The following SLC45A4 variants were observed in gnomAD, a reference collection of about 807,000 sequenced individuals.
SLC45A4 encodes solute carrier family 45 member 4.
SLC45A4 carries 32 observed loss-of-function variants against 63.7 expected under a neutral mutation model. That is an observed-to-expected ratio of 0.50 (90% CI 0.38 to 0.67). SLC45A4 has a LOEUF of 0.67. Among genes scored for constraint, SLC45A4 ranks in the 30% least tolerant of loss-of-function variants. The pLI, the probability that SLC45A4 is intolerant of heterozygous loss-of-function variation, is 0.00. For synonymous variants in SLC45A4, 535 were observed against 510.0 expected (o/e 1.05, Z -0.66); for missense variants, 1,027 against 1,157.7 (o/e 0.89, Z 1.64).
chr8:141,292,950 G>T (rs543962915), intron 1 of SLC45A4: 1 of 152,320 alleles, frequency 6.6e-6, no homozygotes, highest in East Asian at 1.9e-4. Flanking sequence ...CTGACTCTGG[G>T]ACACTCAGGC....
At chr8:141,307,694 G>C (rs1175690427) in intron 1 of SLC45A4, among the ~76,000 whole-genome samples, 2 of 151,590 alleles carry the variant, frequency 1.3e-5, no homozygotes, top group African/African-American at 4.8e-5. Flanking sequence ...AGGACCAGGA[G>C]TTAGAGGCGC....
intron 6 of SLC45A4, among the ~76,000 whole-genome samples, chr8:141,216,346 G>T (rs1555564361): frequency 6.6e-6 from 1 of 152,246 alleles, no homozygotes; most frequent in Non-Finnish European, 1.5e-5. Flanking sequence ...GCAGTGGACA[G>T]TCCTGCCTCG....
rs372161630 is a variant in SLC45A4 at position 141,218,170 on chromosome 8, G to T, written c.1470C>A (p.Gly490=). 6.2e-7 allele frequency: 1 copy of T among 1,606,928 alleles called. No homozygotes were observed. The highest frequency in any genetic ancestry group is 2.2e-5 in the East Asian group (1 of 44,860). ...GCCACAGCAGGCGCACCGTGGTCTCGCCCTCCCCCTCCTCACTCTCGGTGT... is the reference window on the plus strand; with the variant it reads ...GCCACAGCAGGCGCACCGTGGTCTCTCCCTCCCCCTCCTCACTCTCGGTGT... ...SGDTESEEGE[G]ETTVRLLWLS... Residue 490 remains glycine, a synonymous_variant, in exon 5 of 9, where the codon GGC becomes GGA. Transcript: ENST00000517878.
At chr8:141,294,358 G>C (rs781070696) in intron 1 of SLC45A4, among the ~76,000 whole-genome samples, 8 of 152,216 alleles carry the variant, frequency 5.3e-5, no homozygotes, top group African/African-American at 1.9e-4. Flanking sequence ...AACGTGCACC[G>C]GGGCCAGCCC....
At chr8:141,298,911 G>C (rs987698410) in intron 1 of SLC45A4, among the ~76,000 whole-genome samples, 7 of 152,112 alleles carry the variant, frequency 4.6e-5, no homozygotes, top group Admixed American at 6.5e-5. Flanking sequence ...AGTGGGGGGT[G>C]GGGGGAGCTG....
At position 141,217,184 on chromosome 8, in the gene SLC45A4, G is replaced by A. The variant is rs755730270; in HGVS notation, c.1635C>T (p.Pro545=). ...AGGCTTGCCAGGCGGTCGAGTTCGA[G>A]GGGGCCTGTTCCGGAAATGAGACGG... ...QVIFEGDPKA[P]SNSTAWQAYN... The change falls in exon 6 of 9, where the codon CCC becomes CCT. Residue 545 remains proline (P), a synonymous_variant. Transcript: ENST00000517878. 1.2e-6 allele frequency: 2 copies of A among 1,613,492 alleles called. No homozygotes were observed. The highest frequency in any genetic ancestry group is 1.3e-5 in the African/African-American group (1 of 74,920).
chr8:141,259,731 C>T (rs1828972595), intron 1 of SLC45A4, among the ~76,000 whole-genome samples: 1 of 152,202 alleles, frequency 6.6e-6, no homozygotes, highest in South Asian at 2.1e-4. Flanking sequence ...AGACCCTCAT[C>T]CCCCGCTTTC....
rs1373527458 is a variant in SLC45A4, at chr8:141,308,119, G to GGGGGCGGC, written c.-432_-425dup. 1.7e-4 allele frequency: 25 copies of GGGGGCGGC among 148,322 alleles called. 1 individual carries two copies. The South Asian group carries it at 2.0e-3, about 12-fold the overall frequency. 9.2% of individuals were successfully genotyped at this position (148,322 alleles called of 1,614,324 possible). On this transcript the variant is annotated 5_prime_UTR_variant, in exon 1 of 9. Coordinates refer to ENST00000517878, the MANE Select transcript of SLC45A4 (RefSeq NM_001286646.2). Reference sequence around the variant, plus strand: ...ACCTGTCTCCTCCGGCCGGGGCCGCGGGGGCGGCGGGGCGGCCGGGCCGGG... The same window carrying GGGGGCGGC: ...ACCTGTCTCCTCCGGCCGGGGCCGCGGGGGCGGCGGGGCGGCGGGGCGGCCGGGCCGGG...
intron 1 of SLC45A4, among the ~76,000 whole-genome samples, chr8:141,283,243 C>T (rs969436159): frequency 2.0e-4 from 30 of 152,316 alleles, no homozygotes; most frequent in Middle Eastern, 3.4e-3. Context: ...GCCCAGGCTA[C>T]GACACCTCAA....
At position 141,219,844 on chromosome 8, in the gene SLC45A4, C is replaced by T. The variant is rs746091176; in HGVS notation, c.431-15G>A. Reference sequence around the variant, plus strand: ...GAGGGCCAGACCTGCGCAGAGCACACGGGAGGGCGGTCAGGTCCTCAAGCA... The same window carrying T: ...GAGGGCCAGACCTGCGCAGAGCACATGGGAGGGCGGTCAGGTCCTCAAGCA... On this transcript the variant is annotated splice_polypyrimidine_tract_variant and intron_variant, in intron 3 of 8. Transcript: ENST00000517878. The T allele has an allele frequency of 1.8e-5, 28 of 1,553,004 alleles. No homozygotes were observed. Among genetic ancestry groups the T allele is most frequent in the Admixed American group, 1.7e-4 (9 of 52,540 alleles).
intron 1 of SLC45A4, among the ~76,000 whole-genome samples, chr8:141,279,219 C>T (rs988145367): frequency 4.6e-5 from 7 of 152,374 alleles, no homozygotes; most frequent in Middle Eastern, 3.4e-3. Context: ...CTATCCCCAC[C>T]GTGCCAGGCG....
At chr8:141,270,330 C>T (rs2154614915) in intron 1 of SLC45A4, among the ~76,000 whole-genome samples, 1 of 150,396 alleles carries the variant, frequency 6.6e-6, no homozygotes, top group East Asian at 2.0e-4. Flanking sequence ...AGTTCAAGAC[C>T]ACCCTGGGCG....
intron 1 of SLC45A4, among the ~76,000 whole-genome samples, chr8:141,307,123 C>A (rs1830920447): frequency 6.6e-6 from 1 of 152,132 alleles, no homozygotes; most frequent in South Asian, 2.1e-4. Flanking sequence ...CTTCTAGAAT[C>A]ATTCTGAATA....
chr8:141,228,173 T>C, intron 2 of SLC45A4: 11 of 1,613,934 alleles, frequency 6.8e-6, no homozygotes, highest in Non-Finnish European at 9.3e-6. Flanking sequence ...AATTGAGCAT[T>C]CTAACCTTTC....
intron 2 of SLC45A4, among the ~76,000 whole-genome samples, chr8:141,251,771 T>C (rs1017017487): frequency 2.0e-5 from 3 of 151,610 alleles, no homozygotes; most frequent in African/African-American, 7.3e-5. Flanking sequence ...ACTGGAAAAG[T>C]AAGATGAGTG....
At chr8:141,230,762 T>G (rs1004020882) in intron 2 of SLC45A4, among the ~76,000 whole-genome samples, 3 of 152,250 alleles carry the variant, frequency 2.0e-5, no homozygotes, top group African/African-American at 4.8e-5. Context: ...ATGCTGACAC[T>G]GTCCATTTTC....
At chr8:141,212,674 T>C in intron 7 of SLC45A4, 118 bp from the exon 8 acceptor site, 1 of 1,278,984 alleles carries the variant, frequency 7.8e-7, no homozygotes, top group African/African-American at 1.5e-5. Context: ...CCACCGAGTC[T>C]CTTGGCAACC....
chr8:141,217,241 G>T (rs1826212290), intron 5 of SLC45A4, 52 bp from the exon 6 acceptor site: 1 of 1,567,472 alleles, frequency 6.4e-7, no homozygotes, highest in Non-Finnish European at 8.8e-7. Context: ...GGGCCCTCCA[G>T]GCCAGGAGCG....
chr8:141,212,145 C>CCCGGGGGGG, intron 8 of SLC45A4, 52 bp downstream of exon 8: 3 of 955,984 alleles, frequency 3.1e-6, no homozygotes, highest in Non-Finnish European at 2.6e-6. Context: ...GCCGCCCGCC[C>CCCGGGGGGG]GCCCGCCCAC....
Sources: allele counts gnomAD v4.1 joint callset (sites outside exome capture counted in the v4.1 genomes callset), GRCh38; gene constraint gnomAD v4.1.1; transcripts MANE v1.5; gene names NCBI Gene and HGNC (gene_info 2026-07-23, HGNC 2026-07-21).